CPQ: variants seen among roughly 807,000 people sequenced by gnomAD.
CPQ encodes Ser-Met dipeptidase.
A neutral mutation model predicts 45.7 loss-of-function variants in CPQ; 37 were observed. That is an observed-to-expected ratio of 0.81 (90% CI 0.62 to 1.07). The LOEUF (loss-of-function observed/expected upper bound fraction) is 1.07. Ranked by LOEUF, CPQ falls within the 50% of genes least tolerant of loss-of-function variation. CPQ has a pLI of 0.00. For missense variants in CPQ, 537 were observed against 572.9 expected (o/e 0.94, Z 0.64); for synonymous variants, 186 against 205.8 (o/e 0.90, Z 0.82).
chr8:96,868,723 C>T (rs1812025793), intron 3 of CPQ, among the ~76,000 whole-genome samples: 1 of 151,874 alleles, frequency 6.6e-6, no homozygotes, highest in Admixed American at 6.6e-5. Context: ...TTCCTCTATT[C>T]CCTGTGTATA....
chr8:96,740,874 A>G (rs1387470543), intron 1 of CPQ, among the ~76,000 whole-genome samples: 1 of 152,156 alleles, frequency 6.6e-6, no homozygotes, highest in Non-Finnish European at 1.5e-5. Context: ...CTAGTATTTT[A>G]TTGAGGATTT....
chr8:97,087,485 T>C (rs1811059838), intron 7 of CPQ, among the ~76,000 whole-genome samples: 1 of 150,422 alleles, frequency 6.6e-6, no homozygotes, highest in Non-Finnish European at 1.5e-5. Context: ...TGGTGGGCTC[T>C]TATCTGTATT....
intron 5 of CPQ, among the ~76,000 whole-genome samples, chr8:96,994,914 C>G (rs992974240): frequency 2.6e-5 from 4 of 152,036 alleles, no homozygotes; most frequent in Non-Finnish European, 5.9e-5. Flanking sequence ...CATTGGTCAA[C>G]AGAGGCATTT....
chr8:96,820,584 C>CT (rs1376693681), intron 2 of CPQ, among the ~76,000 whole-genome samples: 1 of 151,902 alleles, frequency 6.6e-6, no homozygotes, highest in Non-Finnish European at 1.5e-5. Flanking sequence ...TGTGCTTGGA[C>CT]TTTTTCACTT....
chr8:96,776,292 TTCTG>T (rs1223862185), intron 1 of CPQ, among the ~76,000 whole-genome samples: 1 of 152,212 alleles, frequency 6.6e-6, no homozygotes, highest in Non-Finnish European at 1.5e-5. Context: ...CTTCTGGACT[TTCTG>T]TCTGTTACAC....
At chr8:96,988,412 C>G (rs188737331) in intron 5 of CPQ, among the ~76,000 whole-genome samples, 91 of 152,178 alleles carry the variant, frequency 6.0e-4, no homozygotes, top group African/African-American at 2.2e-3. Context: ...TGTTTTCTTT[C>G]TGTATATTTC....
At chr8:96,683,907 T>A (rs999166732) in intron 1 of CPQ, among the ~76,000 whole-genome samples, 3 of 152,156 alleles carry the variant, frequency 2.0e-5, no homozygotes, top group African/African-American at 7.2e-5. Context: ...TCTTTGGATA[T>A]CTGTCTCTGG....
At chr8:96,949,801 G>A (rs572338016) in intron 4 of CPQ, among the ~76,000 whole-genome samples, 2 of 152,218 alleles carry the variant, frequency 1.3e-5, no homozygotes, top group East Asian at 3.9e-4. Flanking sequence ...AGAATGCCCA[G>A]CAGTCAGTGC....
intron 4 of CPQ, among the ~76,000 whole-genome samples, chr8:96,888,147 C>T (rs1478335076): frequency 6.6e-6 from 1 of 152,132 alleles, no homozygotes; most frequent in Non-Finnish European, 1.5e-5. Flanking sequence ...TCACTTCCTA[C>T]CCCACACCAC....
intron 1 of CPQ, among the ~76,000 whole-genome samples, chr8:96,768,051 C>T (rs1462747609): frequency 3.3e-5 from 5 of 152,092 alleles, no homozygotes; most frequent in African/African-American, 1.2e-4. Context: ...TTCCAAGTAT[C>T]TTCCTAATTC....
chr8:96,829,819 TCTC>T (rs1811428714), intron 2 of CPQ, among the ~76,000 whole-genome samples: 1 of 152,160 alleles, frequency 6.6e-6, no homozygotes, highest in African/African-American at 2.4e-5. Flanking sequence ...CTTATTTTTT[TCTC>T]CTCCAGATTA....
At chr8:97,000,697 G>C (rs1159490472) in intron 5 of CPQ, among the ~76,000 whole-genome samples, 1 of 151,998 alleles carries the variant, frequency 6.6e-6, no homozygotes, top group African/African-American at 2.4e-5. Flanking sequence ...TGTTCTTTTT[G>C]CTTAGGATTG....
intron 2 of CPQ, among the ~76,000 whole-genome samples, chr8:96,826,315 ATCTTCT>A: frequency 6.6e-6 from 1 of 152,172 alleles, no homozygotes; most frequent in Admixed American, 6.5e-5. Flanking sequence ...TTCATTCTAT[ATCTTCT>A]ATCAGTCAGC....
chr8:97,094,886 A>G (rs1263061343), intron 7 of CPQ, among the ~76,000 whole-genome samples: 2 of 152,006 alleles, frequency 1.3e-5, no homozygotes, highest in Non-Finnish European at 2.9e-5. Flanking sequence ...GGAACTGTCC[A>G]CCAGGATTAC....
chr8:96,951,703 C>T (rs371303707), intron 4 of CPQ, among the ~76,000 whole-genome samples: 2 of 152,176 alleles, frequency 1.3e-5, no homozygotes, highest in African/African-American at 4.8e-5. Context: ...AGAATATTTT[C>T]ACCTTTCTAA....
At chr8:96,871,735 T>C (rs1177065353) in intron 3 of CPQ, among the ~76,000 whole-genome samples, 1 of 151,800 alleles carries the variant, frequency 6.6e-6, no homozygotes, top group Non-Finnish European at 1.5e-5. Flanking sequence ...CTGTGTTCAG[T>C]TATTTTCTTT....
intron 4 of CPQ, among the ~76,000 whole-genome samples, chr8:96,929,477 A>G (rs115346438): frequency 1.3e-5 from 2 of 152,266 alleles, no homozygotes; most frequent in African/African-American, 2.4e-5. Context: ...TGCTCCCTCA[A>G]TGCAAGTCTC....
intron 7 of CPQ, among the ~76,000 whole-genome samples, chr8:97,088,237 G>A (rs1811072182): frequency 1.3e-5 from 2 of 152,200 alleles, no homozygotes; most frequent in African/African-American, 4.8e-5. Context: ...GAGTTGCCAA[G>A]CTGGTAGTGG....
At chr8:96,865,745 A>G (rs1811988753) in intron 3 of CPQ, among the ~76,000 whole-genome samples, 1 of 152,044 alleles carries the variant, frequency 6.6e-6, no homozygotes, top group African/African-American at 2.4e-5. Context: ...AATTTTTTCT[A>G]AACTCAAGTT....
Sources: allele counts gnomAD v4.1 joint callset (sites outside exome capture counted in the v4.1 genomes callset), GRCh38; gene constraint gnomAD v4.1.1; transcripts MANE v1.5; gene names NCBI Gene and HGNC (gene_info 2026-07-23, HGNC 2026-07-21).